RASGRP3: variants seen among roughly 807,000 people sequenced by gnomAD.
RASGRP3 encodes RAS guanyl releasing protein 3, also known as ras guanyl-releasing protein 3.
RASGRP3 carries 54 observed loss-of-function variants against 82.7 expected under a neutral mutation model. The observed-to-expected ratio is 0.65, with a 90% CI of 0.52 to 0.82. RASGRP3 has a LOEUF of 0.82. Ranked by LOEUF, RASGRP3 falls within the 40% of genes least tolerant of loss-of-function variation. RASGRP3 has a pLI of 0.00. For missense variants in RASGRP3, 861 were observed against 828.9 expected (o/e 1.04, Z -0.48); for synonymous variants, 309 against 300.5 (o/e 1.03, Z -0.29).
At chr2:33,470,810 T>G (rs910064792) in intron 2 of RASGRP3, among the ~76,000 whole-genome samples, 7 of 152,236 alleles carry the variant, frequency 4.6e-5, no homozygotes, top group Non-Finnish European at 1.0e-4. Flanking sequence ...TTTGTAACTG[T>G]TCACCTCACT....
chr2:33,536,338 C>T (rs999436213), intron 11 of RASGRP3, among the ~76,000 whole-genome samples: 15 of 120,776 alleles, frequency 1.2e-4, no homozygotes, highest in African/African-American at 3.1e-4. Context: ...AAAAAAAAAA[C>T]GACAGAAAGA....
At chr2:33,550,794 G>C (rs2151095576) in intron 14 of RASGRP3, among the ~76,000 whole-genome samples, 1 of 152,300 alleles carries the variant, frequency 6.6e-6, no homozygotes, top group South Asian at 2.1e-4. Context: ...TCAAAGAACT[G>C]GCTTTCAGGA....
chr2:33,470,651 T>A (rs1667003852), intron 2 of RASGRP3, among the ~76,000 whole-genome samples: 1 of 152,106 alleles, frequency 6.6e-6, no homozygotes, highest in Admixed American at 6.5e-5. Flanking sequence ...AGTGCTGGGA[T>A]TATGGGTGTG....
intron 2 of RASGRP3, among the ~76,000 whole-genome samples, chr2:33,469,675 G>A (rs544216781): frequency 1.3e-5 from 2 of 151,984 alleles, no homozygotes; most frequent in Admixed American, 1.3e-4. Flanking sequence ...TGCCCAGGCT[G>A]GTCTCAAACT....
intron 17 of RASGRP3, among the ~76,000 whole-genome samples, chr2:33,562,493 A>T (rs1355475863): frequency 3.3e-5 from 5 of 151,216 alleles, no homozygotes; most frequent in African/African-American, 9.7e-5. Context: ...CTGGTCTTGA[A>T]CTCCTGGCCT....
At chr2:33,464,739 A>G (rs1249840213) in intron 2 of RASGRP3, among the ~76,000 whole-genome samples, 1 of 152,190 alleles carries the variant, frequency 6.6e-6, no homozygotes, top group African/African-American at 2.4e-5. Flanking sequence ...GGCCTCTGCA[A>G]GTATTAAATG....
At chr2:33,556,821 A>G (rs1486903370) in intron 15 of RASGRP3, among the ~76,000 whole-genome samples, 1 of 151,872 alleles carries the variant, frequency 6.6e-6, no homozygotes, top group Non-Finnish European at 1.5e-5. Flanking sequence ...CAGCAAAGAT[A>G]CTGCAAGATC....
At position 33,450,822 on chromosome 2, in the gene RASGRP3, C is replaced by CTTTTTTTTTTTTTTTTTTTTTT; in HGVS notation, c.-261+2891_-261+2912dup. ...TCTTTCTTTTTCTCTTTCTTTCTTT[C>CTTTTTTTTTTTTTTTTTTTTTT]TTTTTTTTTTTTTTTTTTTTTTTTT... On this transcript the variant is annotated intron_variant, in intron 2 of 18. Coordinates refer to the RASGRP3 transcript ENST00000402538. 1.3e-3 allele frequency among the ~76,000 whole-genome samples: 24 copies of CTTTTTTTTTTTTTTTTTTTTTT among 18,976 alleles called. 2 individuals carry two copies. The highest frequency in any genetic ancestry group is 1.6e-3 in the East Asian group (1 of 632). The allele number at this position is 18,976 out of a possible 152,430, so 12.4% of individuals were successfully genotyped here.
intron 10 of RASGRP3, 127 bp from the exon 11 acceptor site, chr2:33,534,196 A>G: frequency 1.5e-6 from 1 of 659,022 alleles, no homozygotes; most frequent in Non-Finnish European, 2.7e-6. Context: ...CCGTCTTTTT[A>G]TTGTTCTGCA....
intron 1 of RASGRP3, among the ~76,000 whole-genome samples, chr2:33,496,309 G>C (rs1025494344): frequency 6.6e-6 from 1 of 152,188 alleles, no homozygotes; most frequent in East Asian, 1.9e-4. Context: ...CTCTGCTCTT[G>C]CATTTCATTC....
intron 1 of RASGRP3, among the ~76,000 whole-genome samples, chr2:33,495,412 C>T (rs1013171037): frequency 2.6e-5 from 4 of 152,162 alleles, no homozygotes; most frequent in African/African-American, 9.7e-5. Flanking sequence ...GAATCTAACG[C>T]CGCAGCTCAT....
chr2:33,478,531 T>C (rs1223851564), intron 1 of RASGRP3, among the ~76,000 whole-genome samples: 1 of 152,156 alleles, frequency 6.6e-6, no homozygotes, highest in Non-Finnish European at 1.5e-5. Flanking sequence ...AATGTCTAAA[T>C]GGGAGCAGTT....
intron 1 of RASGRP3, among the ~76,000 whole-genome samples, chr2:33,483,383 A>T (rs572532086): frequency 6.6e-6 from 1 of 152,276 alleles, no homozygotes; most frequent in Non-Finnish European, 1.5e-5. Flanking sequence ...TTCAACTCTT[A>T]GTATGTTCCA....
rs76933792 is a variant in RASGRP3, at chr2:33,499,815, A to G, written c.-260-11895A>G. ...GAGAAGAAAATTAAAGAAGAAACCA[A>G]TTTGAAGTGTACAGACCATGTCAAA... On this transcript the variant is annotated intron_variant, in intron 1 of 17. Coordinates refer to ENST00000403687, the MANE Select transcript of RASGRP3 (RefSeq NM_001139488.2). Among the ~76,000 whole-genome samples the G allele has an allele frequency of 1.1e-4, 16 of 152,232 alleles. No individual in the cohort carries two copies. In the East Asian group the frequency reaches 3.1e-3, roughly 29 times the overall value.
At chr2:33,540,931 C>T (rs1158641239) in intron 12 of RASGRP3, among the ~76,000 whole-genome samples, 1 of 145,940 alleles carries the variant, frequency 6.9e-6, no homozygotes, top group East Asian at 1.9e-4. Flanking sequence ...GAGATGGGCT[C>T]ATTTTAGTCA....
intron 2 of RASGRP3, among the ~76,000 whole-genome samples, chr2:33,448,847 T>G: frequency 6.6e-6 from 1 of 152,300 alleles, no homozygotes; most frequent in South Asian, 2.1e-4. Flanking sequence ...AATTTAAAAA[T>G]TAACTATATA....
Position 33,520,773 on chromosome 2 carries a change from C to G in RASGRP3, c.368+89C>G, listed in dbSNP as rs887297403. On this transcript the variant is annotated intron_variant, in intron 6 of 17. Coordinates refer to ENST00000403687, the MANE Select transcript of RASGRP3 (RefSeq NM_001139488.2). The stretch of plus-strand genomic sequence containing the variant: ...TCACCCCACTTGTTCTGAGTCCATC[C>G]CACTCCTGAATCCAGGTTTGCTTCT... 5.9e-6 allele frequency: 9 copies of G among 1,528,924 alleles called. No homozygotes were observed. In the Admixed American group the frequency reaches 1.2e-4, roughly 21 times the overall value. 94.7% of individuals were successfully genotyped at this position (1,528,924 alleles called of 1,614,324 possible).
chr2:33,467,985 T>TTTCTTTCC (rs1666805897), intron 2 of RASGRP3, among the ~76,000 whole-genome samples: 1 of 13,598 alleles, frequency 7.4e-5, no homozygotes. Flanking sequence ...AGGCTTTTTC[T>TTTCTTTCC]TTCTTTCTTT....
chr2:33,475,603 A>C (rs895381487), upstream of RASGRP3, among the ~76,000 whole-genome samples: 1 of 152,172 alleles, frequency 6.6e-6, no homozygotes, highest in Admixed American at 6.6e-5. Context: ...AGGCTCAGAC[A>C]CTGATTCGGG....
Sources: allele counts gnomAD v4.1 joint callset (sites outside exome capture counted in the v4.1 genomes callset), GRCh38; gene constraint gnomAD v4.1.1; transcripts MANE v1.5; gene names NCBI Gene and HGNC (gene_info 2026-07-23, HGNC 2026-07-21).